Variants in ARHGAP15 observed in about 807,000 individuals in gnomAD.
The protein encoded by ARHGAP15 is Rho GTPase activating protein 15, also known as rho GTPase-activating protein 15.
In ARHGAP15, 51 loss-of-function variants were observed where a neutral mutation model predicts 63.7. The ratio of observed to expected loss-of-function variants is 0.80; its 90% CI spans 0.64 to 1.01. ARHGAP15 has a LOEUF of 1.01. Ranked by LOEUF, ARHGAP15 falls within the 50% of genes least tolerant of loss-of-function variation. ARHGAP15 has a pLI of 0.00. For missense variants in ARHGAP15, 560 were observed against 564.6 expected (o/e 0.99, Z 0.08); for synonymous variants, 191 against 193.8 (o/e 0.99, Z 0.12).
intron 6 of ARHGAP15, among the ~76,000 whole-genome samples, chr2:143,404,849 A>G (rs1210975686): frequency 6.6e-6 from 1 of 151,992 alleles, no homozygotes; most frequent in Non-Finnish European, 1.5e-5. Flanking sequence ...ACTCGTGATC[A>G]TGCTCTTAAA....
chr2:143,642,240 C>A (rs1680638882), intron 12 of ARHGAP15, among the ~76,000 whole-genome samples: 1 of 151,804 alleles, frequency 6.6e-6, no homozygotes, highest in South Asian at 2.1e-4. Context: ...AGTTTCTGCA[C>A]TAAGTATATT....
At chr2:143,715,180 C>T (rs748487421) in intron 13 of ARHGAP15, among the ~76,000 whole-genome samples, 8 of 152,142 alleles carry the variant, frequency 5.3e-5, no homozygotes, top group Non-Finnish European at 1.2e-4. Context: ...ATTGTGGAGG[C>T]AAGAGAAAAT....
intron 6 of ARHGAP15, chr2:143,295,686 G>A (rs955958196): frequency 2.6e-5 from 4 of 151,982 alleles, no homozygotes; most frequent in African/African-American, 9.7e-5. Flanking sequence ...GTAGCAGCCG[G>A]TCTGTAATAA....
chr2:143,717,343 C>A (rs1684853620), intron 13 of ARHGAP15, among the ~76,000 whole-genome samples: 2 of 152,186 alleles, frequency 1.3e-5, no homozygotes, highest in South Asian at 2.1e-4. Context: ...CTGCCAATTC[C>A]TTTCAGTTCA....
intron 6 of ARHGAP15, among the ~76,000 whole-genome samples, chr2:143,347,725 C>T (rs1244392897): frequency 6.6e-6 from 1 of 151,954 alleles, no homozygotes. Context: ...GAATAACAAC[C>T]TCTTTACTCT....
chr2:143,343,117 TAGG>T (rs1354040207), intron 6 of ARHGAP15, among the ~76,000 whole-genome samples: 2 of 152,050 alleles, frequency 1.3e-5, no homozygotes, highest in Non-Finnish European at 2.9e-5. Flanking sequence ...TAATTAGTAG[TAGG>T]GTAGATTTTT....
chr2:143,222,436 A>G (rs568200505), intron 4 of ARHGAP15, among the ~76,000 whole-genome samples: 1 of 152,374 alleles, frequency 6.6e-6, no homozygotes, highest in Admixed American at 6.5e-5. Context: ...TAAAGAAGGC[A>G]AAAGAAAGGT....
intron 8 of ARHGAP15, among the ~76,000 whole-genome samples, chr2:143,473,287 G>T (rs555591821): frequency 6.6e-6 from 1 of 152,262 alleles, no homozygotes; most frequent in Admixed American, 6.5e-5. Flanking sequence ...CTTAGCCATT[G>T]CATTCCCCAG....
intron 13 of ARHGAP15, among the ~76,000 whole-genome samples, chr2:143,758,810 G>A (rs1686666511): frequency 6.6e-6 from 1 of 152,124 alleles, no homozygotes; most frequent in Non-Finnish European, 1.5e-5. Context: ...CAGCAGTACT[G>A]TTACCACTTG....
At chr2:143,574,512 AAG>A (rs1294027369) in intron 11 of ARHGAP15, among the ~76,000 whole-genome samples, 1 of 151,970 alleles carries the variant, frequency 6.6e-6, no homozygotes, top group Non-Finnish European at 1.5e-5. Flanking sequence ...AATAATAAAA[AAG>A]ATGAAAATAT....
At chr2:143,727,289 A>G (rs1279140170) in intron 13 of ARHGAP15, among the ~76,000 whole-genome samples, 3 of 152,242 alleles carry the variant, frequency 2.0e-5, no homozygotes. Context: ...AGTTCACACG[A>G]AAGAGTGTTG....
At chr2:143,661,700 C>T (rs1339363973) in intron 12 of ARHGAP15, among the ~76,000 whole-genome samples, 2 of 152,108 alleles carry the variant, frequency 1.3e-5, no homozygotes, top group Non-Finnish European at 2.9e-5. Flanking sequence ...ACAGTGGGCA[C>T]AGGTCAGTGG....
intron 12 of ARHGAP15, among the ~76,000 whole-genome samples, chr2:143,653,887 T>C (rs1681298525): frequency 1.3e-5 from 2 of 152,228 alleles, no homozygotes; most frequent in Non-Finnish European, 2.9e-5. Context: ...TGAATTAGTG[T>C]AGTCACTTCC....
chr2:143,470,520 TTTG>T (rs1691466716), intron 8 of ARHGAP15, among the ~76,000 whole-genome samples: 1 of 143,358 alleles, frequency 7.0e-6, no homozygotes, highest in Admixed American at 7.3e-5. Flanking sequence ...ATAATATTCT[TTTG>T]TTTTATATAT....
At chr2:143,623,828 C>T (rs1698736332) in intron 11 of ARHGAP15, among the ~76,000 whole-genome samples, 1 of 152,242 alleles carries the variant, frequency 6.6e-6, no homozygotes, top group South Asian at 2.1e-4. Context: ...TCATGTTGAG[C>T]TGTGATGCTA....
At chr2:143,679,335 A>G in intron 12 of ARHGAP15, among the ~76,000 whole-genome samples, 1 of 152,212 alleles carries the variant, frequency 6.6e-6, no homozygotes, top group East Asian at 1.9e-4. Flanking sequence ...ATAGCCATGA[A>G]TTACTAGAAT....
At chr2:143,451,664 A>G (rs1690413332) in intron 8 of ARHGAP15, among the ~76,000 whole-genome samples, 1 of 151,982 alleles carries the variant, frequency 6.6e-6, no homozygotes, top group Non-Finnish European at 1.5e-5. Context: ...CAGAAAAAAA[A>G]TACAAATTTC....
At chr2:143,377,531 T>C (rs1686871019) in intron 6 of ARHGAP15, among the ~76,000 whole-genome samples, 1 of 152,026 alleles carries the variant, frequency 6.6e-6, no homozygotes, top group Admixed American at 6.6e-5. Flanking sequence ...ATTTTATAAA[T>C]TGGGATCTGA....
chr2:143,318,422 T>C (rs1179207975), intron 6 of ARHGAP15, among the ~76,000 whole-genome samples: 1 of 151,940 alleles, frequency 6.6e-6, no homozygotes, highest in African/African-American at 2.4e-5. Flanking sequence ...TCAAATGATT[T>C]AGCATAGCAG....
Sources: allele counts gnomAD v4.1 joint callset (sites outside exome capture counted in the v4.1 genomes callset), GRCh38; gene constraint gnomAD v4.1.1; transcripts MANE v1.5; gene names NCBI Gene and HGNC (gene_info 2026-07-23, HGNC 2026-07-21).